TMEFF2: variants seen among roughly 807,000 people sequenced by gnomAD.
TMEFF2 encodes tomoregulin-2.
Under a neutral mutation model 53.8 loss-of-function variants are expected in TMEFF2, and 28 were observed. The ratio of observed to expected loss-of-function variants is 0.52; its 90% CI spans 0.39 to 0.71. TMEFF2 has a LOEUF of 0.71. TMEFF2 is among the 30% of genes least tolerant of loss of function. The probability of loss-of-function intolerance (pLI) is 0.00; values close to 1 mark genes in which losing one functional copy is unlikely to be tolerated. For synonymous variants in TMEFF2, 162 were observed against 166.3 expected (o/e 0.97, Z 0.20); for missense variants, 353 against 455.2 (o/e 0.78, Z 2.04).
rs534763173 is a variant in TMEFF2 at position 192,125,611 on chromosome 2, G to A, written c.439+54057C>T. On this transcript the variant is annotated intron_variant, in intron 4 of 9. Coordinates refer to ENST00000272771, the MANE Select transcript of TMEFF2 (RefSeq NM_016192.4). ...TTTCTATTCACAATAGTAAAGACAT[G>A]GAATCAATCCAAATGCCCATCAATG... Among the ~76,000 whole-genome samples, 8 of 152,222 alleles carry A rather than the reference G, an allele frequency of 5.3e-5. No homozygotes were observed. The East Asian group carries it at 1.2e-3, about 22-fold the overall frequency.
intron 7 of TMEFF2, among the ~76,000 whole-genome samples, chr2:191,977,339 T>TC (rs1685754468): frequency 6.6e-6 from 1 of 152,222 alleles, no homozygotes; most frequent in South Asian, 2.1e-4. Flanking sequence ...CCACTAACCA[T>TC]CACCTGCTAT....
intron 4 of TMEFF2, among the ~76,000 whole-genome samples, chr2:192,133,053 T>C (rs1269937991): frequency 1.3e-5 from 2 of 152,080 alleles, no homozygotes; most frequent in African/African-American, 4.8e-5. Flanking sequence ...TCCGTAACTG[T>C]TGTAGGTATT....
intron 4 of TMEFF2, among the ~76,000 whole-genome samples, chr2:192,127,647 A>G (rs1037199476): frequency 2.7e-5 from 4 of 148,286 alleles, no homozygotes; most frequent in African/African-American, 1.0e-4. Flanking sequence ...GACTATGTCT[A>G]AAGTCAAAAA....
At chr2:192,162,076 G>A (rs1310153274) in intron 4 of TMEFF2, among the ~76,000 whole-genome samples, 2 of 152,174 alleles carry the variant, frequency 1.3e-5, no homozygotes, top group African/African-American at 4.8e-5. Context: ...GTTGGTGAAA[G>A]TTAGCTAATC....
chr2:191,997,632 T>C (rs933248955), intron 7 of TMEFF2, among the ~76,000 whole-genome samples: 8 of 151,652 alleles, frequency 5.3e-5, no homozygotes, highest in African/African-American at 1.9e-4. Context: ...GAATTATTTC[T>C]CACTCTAGAA....
rs186596070 is a variant in TMEFF2, at chr2:192,042,072, G to A, written c.536+15607C>T. 2.7e-3 allele frequency among the ~76,000 whole-genome samples: 414 copies of A among 152,076 alleles called. 2 individuals carry two copies. Among genetic ancestry groups the A allele is most frequent in the African/African-American group, 9.7e-3 (402 of 41,490 alleles). ...AAAAATTAACTGGGCGTAGTGGCAG[G>A]CACCTGTAATCCCAGCTACTTGGGA... On this transcript the variant is annotated intron_variant, in intron 5 of 9. Transcript: ENST00000272771.
At chr2:192,008,255 C>T (rs1574287152) in intron 5 of TMEFF2, among the ~76,000 whole-genome samples, 1 of 152,256 alleles carries the variant, frequency 6.6e-6, no homozygotes, top group Non-Finnish European at 1.5e-5. Context: ...TTATTAACGC[C>T]CACTGTGTTA....
chr2:192,118,171 T>A (rs921433082), intron 4 of TMEFF2, among the ~76,000 whole-genome samples: 2 of 152,138 alleles, frequency 1.3e-5, no homozygotes, highest in African/African-American at 4.8e-5. Context: ...TTTGTAAGCT[T>A]CTCAGTGATG....
Position 192,184,357 on chromosome 2 carries a change from T to C in TMEFF2, c.409A>G (p.Thr137Ala). The C allele has an allele frequency of 2.5e-6, 4 of 1,613,128 alleles. No individual in the cohort carries two copies. Among genetic ancestry groups the C allele is most frequent in the South Asian group, 1.1e-5 (1 of 91,042 alleles). ...TCAAAGAAGATCACACACATACCTG[T>C]GGCACATGATCCTTCTGACACCACA... ...ILVVSEGSCA[T>A]DAGSGSGDGV... The change falls in exon 3 of 10, where the codon ACA becomes GCA. Residue 137 changes from threonine (T) to alanine (A), a missense_variant. By Grantham distance (58) the Thr-to-Ala change is moderately conservative. Coordinates refer to ENST00000272771, the MANE Select transcript of TMEFF2 (RefSeq NM_016192.4).
At chr2:192,044,096 A>C (rs1250149532) in intron 5 of TMEFF2, 4 of 152,166 alleles carry the variant, frequency 2.6e-5, no homozygotes, top group Admixed American at 2.6e-4. Context: ...AACCAGAATC[A>C]GTTTGCTTTT....
intron 4 of TMEFF2, among the ~76,000 whole-genome samples, chr2:192,130,375 TAGAA>T (rs1689787320): frequency 1.3e-5 from 2 of 152,086 alleles, no homozygotes; most frequent in Admixed American, 1.3e-4. Context: ...CATAATACCT[TAGAA>T]AGAGTATGTC....
chr2:192,157,878 C>G (rs925684066), intron 4 of TMEFF2, among the ~76,000 whole-genome samples: 2 of 152,078 alleles, frequency 1.3e-5, no homozygotes, highest in African/African-American at 4.8e-5. Context: ...GCCAAACCAT[C>G]TGTTGTTCCC....
chr2:192,003,780 T>G (rs1453705936), intron 5 of TMEFF2, among the ~76,000 whole-genome samples: 1 of 152,204 alleles, frequency 6.6e-6, no homozygotes, highest in Non-Finnish European at 1.5e-5. Flanking sequence ...TGAACTCTAC[T>G]GAAATTACAA....
chr2:192,050,588 AAG>A (rs1687744536), intron 5 of TMEFF2, among the ~76,000 whole-genome samples: 1 of 152,034 alleles, frequency 6.6e-6, no homozygotes, highest in Admixed American at 6.5e-5. Context: ...GTAACATTTG[AAG>A]CTTTTAACTT....
intron 5 of TMEFF2, among the ~76,000 whole-genome samples, chr2:192,029,666 C>T (rs1030405781): frequency 2.6e-5 from 4 of 152,102 alleles, no homozygotes; most frequent in African/African-American, 9.7e-5. Context: ...TATTGGAAGA[C>T]CCCAAAGAGC....
intron 7 of TMEFF2, among the ~76,000 whole-genome samples, chr2:191,965,776 C>T (rs1692452228): frequency 1.3e-5 from 2 of 152,260 alleles, no homozygotes; most frequent in Admixed American, 6.5e-5. Context: ...AAGTCCTGCT[C>T]ATCACTTAGG....
At chr2:192,050,622 G>C (rs538963221) in intron 5 of TMEFF2, among the ~76,000 whole-genome samples, 79 of 151,908 alleles carry the variant, frequency 5.2e-4, no homozygotes, top group Non-Finnish European at 8.8e-4. Context: ...TTGGATTACC[G>C]GCAGCTACTG....
chr2:192,172,227 A>C (rs1055735024), intron 4 of TMEFF2, among the ~76,000 whole-genome samples: 15 of 151,210 alleles, frequency 9.9e-5, no homozygotes, highest in African/African-American at 3.6e-4. Flanking sequence ...TAACTGCACC[A>C]ATTCAAATTC....
At chr2:192,121,266 T>A (rs1244592326) in intron 4 of TMEFF2, among the ~76,000 whole-genome samples, 2 of 152,162 alleles carry the variant, frequency 1.3e-5, no homozygotes, top group Non-Finnish European at 2.9e-5. Context: ...TCAGATGCCA[T>A]AGTTTGAAAA....
Sources: gnomAD v4.1 joint callset for allele counts (sites outside exome capture counted in the v4.1 genomes callset) on GRCh38, gnomAD v4.1.1 for gene constraint, MANE v1.5 for transcripts, NCBI Gene and HGNC (gene_info 2026-07-23, HGNC 2026-07-21) for gene names.